Variants in OXR1 observed in about 807,000 individuals in gnomAD.
The protein encoded by OXR1 is oxidation resistance 1, also known as oxidation resistance protein 1.
In OXR1, 41 loss-of-function variants were observed where a neutral mutation model predicts 104.6. That is an observed-to-expected ratio of 0.39 (90% CI 0.31 to 0.51). OXR1 has a LOEUF of 0.51. OXR1 is among the 20% of genes least tolerant of loss of function. The pLI is 0.77. For synonymous variants in OXR1, 348 were observed against 348.4 expected, an observed-to-expected ratio of 1.00 and a Z score of 0.01; for missense variants, 955 against 1,031.9, an observed-to-expected ratio of 0.93 and a Z score of 1.02.
At chr8:106,280,773 T>C (rs1812249157) in intron 1 of OXR1, among the ~76,000 whole-genome samples, 1 of 151,986 alleles carries the variant, frequency 6.6e-6, no homozygotes, top group East Asian at 1.9e-4. Flanking sequence ...AAATTAAACA[T>C]GTAAAAAGTG....
intron 3 of OXR1, among the ~76,000 whole-genome samples, chr8:106,569,755 AAAT>A (rs1817341760): frequency 6.6e-6 from 1 of 152,234 alleles, no homozygotes; most frequent in Admixed American, 6.5e-5. Context: ...CACTTTCAGT[AAAT>A]AATGTTTTAC....
chr8:106,553,766 T>C (rs767035484), intron 3 of OXR1, among the ~76,000 whole-genome samples: 14 of 152,184 alleles, frequency 9.2e-5, no homozygotes, highest in Non-Finnish European at 1.6e-4. Context: ...CCTCCAGTTT[T>C]CTTAAGATTC....
intron 1 of OXR1, among the ~76,000 whole-genome samples, chr8:106,356,934 G>A (rs2130327116): frequency 6.6e-6 from 1 of 152,032 alleles, no homozygotes; most frequent in Admixed American, 6.6e-5. Flanking sequence ...CCCTTTAAGT[G>A]CTCATAAAGG....
chr8:106,687,020 C>T (rs1004707833), intron 6 of OXR1, among the ~76,000 whole-genome samples: 3 of 152,152 alleles, frequency 2.0e-5, no homozygotes, highest in Admixed American at 1.3e-4. Context: ...GAGGTAGGCA[C>T]TTGGCCTGGG....
rs539761031 is a variant in OXR1, at chr8:106,383,306, C to G, written c.23+23670C>G. 1.6e-3 allele frequency among the ~76,000 whole-genome samples: 241 copies of G among 152,184 alleles called. 1 individual carries two copies. Among genetic ancestry groups the G allele is most frequent in the African/African-American group, 5.7e-3 (237 of 41,520 alleles). On this transcript the variant is annotated intron_variant, in intron 2 of 16. Coordinates refer to ENST00000517566, the MANE Select transcript of OXR1 (RefSeq NM_001198533.2). ...TCCATGAGTTTCACATAGTTAACAT[C>G]ATTGGTTTCTGGATATCTAATTCAT... is the stretch of plus-strand genomic sequence containing the variant.
intron 1 of OXR1, among the ~76,000 whole-genome samples, chr8:106,296,419 T>C (rs1812997404): frequency 6.6e-6 from 1 of 152,188 alleles, no homozygotes; most frequent in African/African-American, 2.4e-5. Context: ...TGAGTTCCCA[T>C]TCTAAGTGAT....
intron 2 of OXR1, among the ~76,000 whole-genome samples, chr8:106,469,797 G>C (rs961322384): frequency 6.6e-6 from 1 of 151,916 alleles, no homozygotes; most frequent in East Asian, 1.9e-4. Context: ...CCTGAAATAG[G>C]CATCTGGAGT....
intron 3 of OXR1, among the ~76,000 whole-genome samples, chr8:106,617,516 G>A (rs1436492759): frequency 6.6e-6 from 1 of 152,134 alleles, no homozygotes; most frequent in African/African-American, 2.4e-5. Flanking sequence ...AGTTAGTGCT[G>A]TTGTGTGGAC....
intron 3 of OXR1, among the ~76,000 whole-genome samples, chr8:106,675,232 C>A (rs986379091): frequency 2.0e-5 from 3 of 152,116 alleles, no homozygotes; most frequent in African/African-American, 7.2e-5. Context: ...ATATTAACAA[C>A]CTCCATTGGT....
intron 1 of OXR1, among the ~76,000 whole-genome samples, chr8:106,300,109 A>T (rs1202263447): frequency 6.6e-6 from 1 of 152,208 alleles, no homozygotes; most frequent in African/African-American, 2.4e-5. Flanking sequence ...AAGCATAAAG[A>T]TACATCTGAA....
intron 3 of OXR1, among the ~76,000 whole-genome samples, chr8:106,527,401 A>G (rs2130196778): frequency 6.6e-6 from 1 of 152,290 alleles, no homozygotes; most frequent in South Asian, 2.1e-4. Flanking sequence ...CCACTTCCAC[A>G]AAATAAGGTT....
chr8:106,460,523 A>G (rs143155506), intron 2 of OXR1, among the ~76,000 whole-genome samples: 2 of 152,320 alleles, frequency 1.3e-5, no homozygotes, highest in South Asian at 2.1e-4. Context: ...TTGGTTTCAG[A>G]AGCAGCTCTA....
chr8:106,272,725 T>G (rs1195357143), intron 1 of OXR1: 2 of 152,218 alleles, frequency 1.3e-5, no homozygotes, highest in African/African-American at 2.4e-5. Context: ...TGTTGATTAT[T>G]CTGGACATCT....
chr8:106,530,953 T>C (rs1362192301), intron 3 of OXR1, among the ~76,000 whole-genome samples: 1 of 152,176 alleles, frequency 6.6e-6, no homozygotes, highest in Non-Finnish European at 1.5e-5. Context: ...CTAAGAGAAA[T>C]TAATAAGTTG....
chr8:106,273,074 C>G (rs896284575), intron 1 of OXR1, among the ~76,000 whole-genome samples: 1 of 152,008 alleles, frequency 6.6e-6, no homozygotes, highest in South Asian at 2.1e-4. Flanking sequence ...CTTTTACTCC[C>G]GATCTCCTGC....
chr8:106,578,733 T>C (rs1218735586), intron 3 of OXR1, among the ~76,000 whole-genome samples: 1 of 152,220 alleles, frequency 6.6e-6, no homozygotes, highest in Admixed American at 6.5e-5. Flanking sequence ...AATAGATTAA[T>C]TTCTAGTCCA....
At position 106,509,192 on chromosome 8, in the gene OXR1, A is replaced by G. The variant is rs370059783; in HGVS notation, c.24-9751A>G. On this transcript the variant is annotated intron_variant, in intron 2 of 16. Coordinates refer to ENST00000517566, the MANE Select transcript of OXR1 (RefSeq NM_001198533.2). ...TGTGAGTTACTGCAAAAGACTGTTT[A>G]ACATTTACAAGAATTTGACTTCCAA... 2.6e-5 allele frequency among the ~76,000 whole-genome samples: 4 copies of G among 152,226 alleles called. No homozygotes were observed. In the East Asian group the frequency reaches 7.7e-4, roughly 29 times the overall value.
At chr8:106,611,818 T>C (rs1323693188) in intron 3 of OXR1, among the ~76,000 whole-genome samples, 1 of 152,194 alleles carries the variant, frequency 6.6e-6, no homozygotes, top group Non-Finnish European at 1.5e-5. Flanking sequence ...GTATAACATA[T>C]TGTTTAAAAA....
At chr8:106,365,535 G>A (rs1463301510) in intron 2 of OXR1, among the ~76,000 whole-genome samples, 1 of 151,994 alleles carries the variant, frequency 6.6e-6, no homozygotes, top group African/African-American at 2.4e-5. Flanking sequence ...CATTATTTGG[G>A]TTAAAGTTAA....
Sources: gnomAD v4.1 joint callset for allele counts (sites outside exome capture counted in the v4.1 genomes callset) on GRCh38, gnomAD v4.1.1 for gene constraint, MANE v1.5 for transcripts, NCBI Gene and HGNC (gene_info 2026-07-23, HGNC 2026-07-21) for gene names.